Variants in MMS22L observed in about 807,000 individuals in gnomAD.
MMS22L encodes protein MMS22-like.
Under a neutral mutation model 159.1 loss-of-function variants are expected in MMS22L, and 74 were observed. That is an observed-to-expected ratio of 0.47 (90% confidence interval 0.39 to 0.56). The LOEUF (loss-of-function observed/expected upper bound fraction) is 0.56. Among genes scored for constraint, MMS22L ranks in the 20% least tolerant of loss-of-function variants. MMS22L has a pLI of 0.00. For synonymous variants in MMS22L, 517 were observed against 506.9 expected, an observed-to-expected ratio of 1.02 and a Z score of -0.27; for missense variants, 1,351 against 1,422.1, an observed-to-expected ratio of 0.95 and a Z score of 0.80.
intron 10 of MMS22L, chr6:97,253,757 G>A (rs1349938870): frequency 1.3e-5 from 2 of 152,164 alleles, no homozygotes; most frequent in Non-Finnish European, 2.9e-5. Context: ...ACTGCAGCTG[G>A]ACTAGATACC....
In MMS22L at chr6:97,240,495, A is replaced by T. The variant is rs1242092735; in HGVS notation, c.1182+6133T>A. On this transcript the variant is annotated intron_variant, in intron 11 of 24. Transcript: ENST00000683635. ...GATAGGATGGCTGGTCACCTGACCT[A>T]CTTTTTTCCCCACAACCAATAGTCT... is the stretch of plus-strand genomic sequence containing the variant. Among the ~76,000 whole-genome samples, 3 of 152,040 alleles carry T rather than the reference A, an allele frequency of 2.0e-5. No homozygotes were observed. In the South Asian group the frequency reaches 6.2e-4, roughly 32 times the overall value.
At chr6:97,173,609 C>A (rs1349691658) in intron 18 of MMS22L, among the ~76,000 whole-genome samples, 1 of 152,106 alleles carries the variant, frequency 6.6e-6, no homozygotes, top group Non-Finnish European at 1.5e-5. Flanking sequence ...TCAAAATCCC[C>A]AAATTCCCCT....
At chr6:97,198,497 A>C (rs1361797308) in intron 14 of MMS22L, among the ~76,000 whole-genome samples, 2 of 152,180 alleles carry the variant, frequency 1.3e-5, no homozygotes, top group African/African-American at 2.4e-5. Flanking sequence ...TGTTTTACCC[A>C]CTATGTTATT....
intron 22 of MMS22L, among the ~76,000 whole-genome samples, chr6:97,159,247 T>G (rs917614722): frequency 6.6e-6 from 1 of 152,018 alleles, no homozygotes; most frequent in African/African-American, 2.4e-5. Flanking sequence ...TCTTGACTCT[T>G]TATCCAATTT....
At chr6:97,282,588 G>T in intron 1 of MMS22L, 35 bp from the exon 2 acceptor site, 1 of 461,854 alleles carries the variant, frequency 2.2e-6, no homozygotes, top group Admixed American at 3.4e-5. Context: ...CGAGAGAGTG[G>T]GGATTACTTC....
chr6:97,224,299 T>C (rs7775135), intron 14 of MMS22L, among the ~76,000 whole-genome samples: 98,929 of 151,900 alleles, frequency 0.65, 33,539 homozygotes, highest in Non-Finnish European at 0.75. Context: ...TTCTGAATAG[T>C]GTCCCACAGA....
At chr6:97,255,240 A>G (rs953250201) in intron 9 of MMS22L, among the ~76,000 whole-genome samples, 1 of 152,128 alleles carries the variant, frequency 6.6e-6, no homozygotes. Flanking sequence ...ATTGCAGAAC[A>G]TTTAGTGAGT....
chr6:97,263,813 A>G, intron 8 of MMS22L: 1 of 154,840 alleles, frequency 6.5e-6, no homozygotes, highest in South Asian at 2.0e-4. Context: ...GGTTCACGCC[A>G]TTCTCCCGCC....
At chr6:97,223,861 A>G (rs1232283315) in intron 14 of MMS22L, among the ~76,000 whole-genome samples, 1 of 152,200 alleles carries the variant, frequency 6.6e-6, no homozygotes, top group Admixed American at 6.5e-5. Flanking sequence ...TTACTAAAGT[A>G]TGTTAGTACC....
intron 4 of MMS22L, among the ~76,000 whole-genome samples, chr6:97,277,370 T>C (rs996297260): frequency 2.6e-5 from 4 of 152,022 alleles, no homozygotes; most frequent in Non-Finnish European, 4.4e-5. Context: ...GCCAAAATCA[T>C]GCCACTGCAC....
chr6:97,281,565 A>G (rs1582889841), intron 2 of MMS22L, among the ~76,000 whole-genome samples: 3 of 152,228 alleles, frequency 2.0e-5, no homozygotes, highest in African/African-American at 4.8e-5. Context: ...ATGTACGACT[A>G]AAGTGTAATG....
At chr6:97,187,319 A>C (rs1379288384) in intron 14 of MMS22L, among the ~76,000 whole-genome samples, 2 of 152,122 alleles carry the variant, frequency 1.3e-5, no homozygotes, top group African/African-American at 4.8e-5. Context: ...TCATTTACTC[A>C]CCTTTGCTGA....
intron 8 of MMS22L, 155 bp downstream of exon 8, chr6:97,267,717 A>G (rs1229765570): frequency 7.3e-6 from 4 of 550,630 alleles, no homozygotes; most frequent in Non-Finnish European, 1.1e-5. Context: ...TTTAAATAAA[A>G]ATTGTTTTCC....
At chr6:97,214,464 T>C (rs766225144) in intron 14 of MMS22L, among the ~76,000 whole-genome samples, 1 of 152,186 alleles carries the variant, frequency 6.6e-6, no homozygotes, top group African/African-American at 2.4e-5. Context: ...TTTAAAAAAG[T>C]ATATGAATAG....
At position 97,282,542 on chromosome 6, in the gene MMS22L, G is replaced by T; in HGVS notation, c.-65C>A. The T allele has an allele frequency of 6.5e-6, 2 of 308,164 alleles. No individual in the cohort carries two copies. The highest frequency in any genetic ancestry group is 1.0e-5 in the Non-Finnish European group (2 of 197,438). 19.1% of individuals were successfully genotyped at this position (308,164 alleles called of 1,614,324 possible). A position where few individuals can be genotyped will look rare whatever the true frequency, so the allele number is the denominator to read the frequency against. On this transcript the variant is annotated 5_prime_UTR_variant, in exon 2 of 25. Transcript: ENST00000683635. ...TCATTAAGGGCTCCAAAGAGAAGGTGTGAAGAGATTCCTGTTGGGGGGGGG... is the reference window on the plus strand; with the variant it reads ...TCATTAAGGGCTCCAAAGAGAAGGTTTGAAGAGATTCCTGTTGGGGGGGGG...
intron 14 of MMS22L, among the ~76,000 whole-genome samples, chr6:97,221,877 A>G (rs1809695122): frequency 6.6e-6 from 1 of 152,126 alleles, no homozygotes; most frequent in Non-Finnish European, 1.5e-5. Flanking sequence ...AACTCATTTG[A>G]TTAAAAATTC....
intron 19 of MMS22L, 131 bp from the exon 20 acceptor site, chr6:97,168,371 T>C (rs1230452930): frequency 2.0e-5 from 14 of 689,304 alleles, no homozygotes; most frequent in South Asian, 4.2e-5. Flanking sequence ...AGACATATAG[T>C]AGAAGTAACA....
intron 9 of MMS22L, chr6:97,259,101 AAC>A (rs941436604): frequency 6.6e-6 from 1 of 152,180 alleles, no homozygotes; most frequent in African/African-American, 2.4e-5. Context: ...TGCACAATTG[AAC>A]ACATATATAT....
chr6:97,199,939 C>T (rs1806964995), intron 14 of MMS22L, among the ~76,000 whole-genome samples: 1 of 151,948 alleles, frequency 6.6e-6, no homozygotes, highest in African/African-American at 2.4e-5. Flanking sequence ...TAAGCCCCAT[C>T]CCCTTTCTTC....
Sources: allele counts gnomAD v4.1 joint callset (sites outside exome capture counted in the v4.1 genomes callset), GRCh38; gene constraint gnomAD v4.1.1; transcripts MANE v1.5; gene names NCBI Gene and HGNC (gene_info 2026-07-23, HGNC 2026-07-21).